VAT1L: variants seen among roughly 807,000 people sequenced by gnomAD.
VAT1L encodes putative NADPH-dependent quinone oxidoreductase VAT1L.
In VAT1L, 34 loss-of-function variants were observed where a neutral mutation model predicts 44.1. The ratio of observed to expected loss-of-function variants is 0.77; its 90% CI spans 0.59 to 1.03. The LOEUF (loss-of-function observed/expected upper bound fraction) is 1.03, where lower values mean the gene tolerates loss of function less well. Ranked by LOEUF, VAT1L falls within the 50% of genes least tolerant of loss-of-function variation. The probability of loss-of-function intolerance (pLI) is 0.00; values close to 1 mark genes in which losing one functional copy is unlikely to be tolerated. For missense variants in VAT1L, 615 were observed against 538.8 expected, an observed-to-expected ratio of 1.14 and a Z score of -1.40; for synonymous variants, 253 against 202.2, an observed-to-expected ratio of 1.25 and a Z score of -2.13.
In VAT1L at chr16:77,788,808, G is replaced by A. The variant is rs1305301427; in HGVS notation, c.126G>A (p.Met42Ile). 2 of 1,574,934 alleles carry A rather than the reference G, an allele frequency of 1.3e-6. No individual in the cohort carries two copies. The highest frequency in any genetic ancestry group is 1.7e-6 in the Non-Finnish European group (2 of 1,161,292). ...GSHRLGDAQE[M>I]RAVVLAGFGG... Reference sequence around the variant, plus strand: ...ACCGCCTCGGGGACGCCCAGGAGATGCGCGCGGTGGTGCTGGCTGGCTTCG... The same window carrying A: ...ACCGCCTCGGGGACGCCCAGGAGATACGCGCGGTGGTGCTGGCTGGCTTCG... Residue 42 changes from methionine (M) to isoleucine (I), a missense_variant, in exon 1 of 9, where the codon ATG becomes ATA. Physicochemically the swap from Met to Ile is conservative, Grantham distance 10. Coordinates refer to ENST00000302536, the MANE Select transcript of VAT1L (RefSeq NM_020927.3).
intron 1 of VAT1L, chr16:77,800,437 T>C (rs986930165): frequency 1.3e-5 from 2 of 152,216 alleles, no homozygotes; most frequent in African/African-American, 4.8e-5. Context: ...GTTAAAATCA[T>C]AAACCCTATT....
chr16:77,979,863 C>G lies in VAT1L; in HGVS notation c.*2168C>G, dbSNP rs1351509294. 6.6e-6 allele frequency: 1 copy of G among 152,608 alleles called. No homozygotes were observed. The highest frequency in any genetic ancestry group is 2.4e-5 in the African/African-American group (1 of 41,448). 9.5% of individuals were successfully genotyped at this position (152,608 alleles called of 1,614,324 possible). A position where few individuals can be genotyped will look rare whatever the true frequency, so the allele number is the denominator to read the frequency against. On this transcript the variant is annotated 3_prime_UTR_variant, in exon 9 of 9. Transcript: ENST00000302536. ...CGGGGGACGCAAGTTAATTGTTTAACGTACTCTCATTTTAAGCACCTTCTT... is the reference window on the plus strand; with the variant it reads ...CGGGGGACGCAAGTTAATTGTTTAAGGTACTCTCATTTTAAGCACCTTCTT...
At chr16:77,799,839 T>C (rs2016015355) in intron 1 of VAT1L, among the ~76,000 whole-genome samples, 1 of 152,152 alleles carries the variant, frequency 6.6e-6, no homozygotes, top group South Asian at 2.1e-4. Flanking sequence ...GTAGATATTT[T>C]TGGTAATCTT....
At chr16:77,946,965 C>T (rs894296123) in intron 7 of VAT1L, among the ~76,000 whole-genome samples, 12 of 152,208 alleles carry the variant, frequency 7.9e-5, no homozygotes, top group African/African-American at 2.7e-4. Context: ...CAACCCCTTA[C>T]TTTAATTCCC....
At chr16:77,960,024 C>G (rs2018144880) in intron 7 of VAT1L, among the ~76,000 whole-genome samples, 2 of 152,068 alleles carry the variant, frequency 1.3e-5, no homozygotes, top group Admixed American at 6.5e-5. Context: ...CATCCATCCT[C>G]TAAATCCTAG....
chr16:77,871,111 G>GAGCA (rs887989113), intron 4 of VAT1L, among the ~76,000 whole-genome samples: 4 of 152,122 alleles, frequency 2.6e-5, no homozygotes, highest in African/African-American at 9.7e-5. Flanking sequence ...CCCTTGAAAG[G>GAGCA]AGCAATAGCT....
chr16:77,837,092 C>T (rs934008370), intron 3 of VAT1L, among the ~76,000 whole-genome samples: 4 of 152,158 alleles, frequency 2.6e-5, no homozygotes, highest in African/African-American at 9.7e-5. Flanking sequence ...TGTTTAAGTG[C>T]TAGGCTGGGC....
At chr16:77,972,789 A>G (rs986784069) in intron 8 of VAT1L, among the ~76,000 whole-genome samples, 1 of 150,468 alleles carries the variant, frequency 6.6e-6, no homozygotes, top group South Asian at 2.1e-4. Context: ...CAAAAATGAT[A>G]ATAATAATAA....
chr16:77,816,946 G>A lies in VAT1L; in HGVS notation c.259G>A (p.Val87Met). The A allele has an allele frequency of 1.2e-6, 2 of 1,613,754 alleles. No individual in the cohort carries two copies. The highest frequency in any genetic ancestry group is 1.7e-6 in the Non-Finnish European group (2 of 1,179,826). Residue 87 changes from valine to methionine, a missense_variant, in exon 2 of 9, where the codon GTG (valine) becomes ATG (methionine). Physicochemically the swap from Val to Met is conservative, Grantham distance 21. Transcript: ENST00000302536. ...TGGATTAAACTTCATTGACTTGATGGTGCGACAAGGGAATATTGACAACCC... is the reference window on the plus strand; with the variant it reads ...TGGATTAAACTTCATTGACTTGATGATGCGACAAGGGAATATTGACAACCC... ...ACGLNFIDLM[V>M]RQGNIDNPPK...
At chr16:77,838,537 A>G (rs2016665152) in intron 3 of VAT1L, among the ~76,000 whole-genome samples, 1 of 151,226 alleles carries the variant, frequency 6.6e-6, no homozygotes. Flanking sequence ...TGGGCGTCCG[A>G]CTCCACGACA....
At chr16:77,934,860 A>G (rs191852619) in intron 7 of VAT1L, among the ~76,000 whole-genome samples, 1 of 152,358 alleles carries the variant, frequency 6.6e-6, no homozygotes, top group East Asian at 1.9e-4. Context: ...CAATGGAGAC[A>G]TGAGGATGAG....
chr16:77,813,005 A>C (rs1180841410), intron 1 of VAT1L, among the ~76,000 whole-genome samples: 2 of 152,126 alleles, frequency 1.3e-5, no homozygotes, highest in African/African-American at 4.8e-5. Flanking sequence ...AATGTTTAAG[A>C]GCTGTATAAA....
At chr16:77,960,059 G>C (rs1412801978) in intron 7 of VAT1L, among the ~76,000 whole-genome samples, 1 of 151,936 alleles carries the variant, frequency 6.6e-6, no homozygotes, top group Non-Finnish European at 1.5e-5. Flanking sequence ...CTTCAGAGAA[G>C]CACTCCCTGA....
At chr16:77,854,590 T>C (rs2016839829) in intron 3 of VAT1L, among the ~76,000 whole-genome samples, 1 of 152,216 alleles carries the variant, frequency 6.6e-6, no homozygotes, top group African/African-American at 2.4e-5. Context: ...CCAATGTACT[T>C]GATTTTGTGA....
intron 7 of VAT1L, among the ~76,000 whole-genome samples, chr16:77,929,365 T>G (rs559465655): frequency 6.6e-6 from 1 of 152,204 alleles, no homozygotes; most frequent in African/African-American, 2.4e-5. Flanking sequence ...GAGCCCTCTG[T>G]GCATGTGTTT....
At chr16:77,904,474 T>G (rs2017419501) in intron 7 of VAT1L, among the ~76,000 whole-genome samples, 2 of 152,184 alleles carry the variant, frequency 1.3e-5, no homozygotes, top group African/African-American at 4.8e-5. Context: ...CTCTGGCTTG[T>G]GGACAGCCAC....
At chr16:77,931,236 T>C (rs1484687055) in intron 7 of VAT1L, among the ~76,000 whole-genome samples, 2 of 152,216 alleles carry the variant, frequency 1.3e-5, no homozygotes, top group African/African-American at 2.4e-5. Flanking sequence ...CCTAGCTTTA[T>C]ATAAAATGAC....
At chr16:77,886,560 C>T (rs1597083507) in intron 7 of VAT1L, among the ~76,000 whole-genome samples, 1 of 152,182 alleles carries the variant, frequency 6.6e-6, no homozygotes, top group East Asian at 1.9e-4. Context: ...GTAATTGAAT[C>T]ACCAAACATT....
chr16:77,941,020 A>G (rs1379160266), intron 7 of VAT1L, among the ~76,000 whole-genome samples: 3 of 152,174 alleles, frequency 2.0e-5, no homozygotes, highest in Admixed American at 1.3e-4. Context: ...GTTAGAATGT[A>G]TTAGAATTGT....
Sources: gnomAD v4.1 joint callset for allele counts (sites outside exome capture counted in the v4.1 genomes callset) on GRCh38, gnomAD v4.1.1 for gene constraint, MANE v1.5 for transcripts, NCBI Gene and HGNC (gene_info 2026-07-23, HGNC 2026-07-21) for gene names.